Variants in CRYL1 observed in about 807,000 individuals in gnomAD.
CRYL1 encodes lambda-crystallin homolog.
Under a neutral mutation model 36.6 loss-of-function variants are expected in CRYL1, and 29 were observed. That is an observed-to-expected ratio of 0.79 (90% CI 0.59 to 1.08). The LOEUF (loss-of-function observed/expected upper bound fraction) is 1.08, where lower values mean the gene tolerates loss of function less well. Among genes scored for constraint, CRYL1 ranks in the 50% least tolerant of loss-of-function variants. The pLI, the probability that CRYL1 is intolerant of heterozygous loss-of-function variation, is 0.00. For synonymous variants in CRYL1, 152 were observed against 151.5 expected (o/e 1.00, Z -0.02); for missense variants, 411 against 407.9 (o/e 1.01, Z -0.06).
At chr13:20,416,854 G>A (rs934054802) in intron 5 of CRYL1, among the ~76,000 whole-genome samples, 1 of 152,064 alleles carries the variant, frequency 6.6e-6, no homozygotes, top group Non-Finnish European at 1.5e-5. Flanking sequence ...CCATGACCTG[G>A]GAGGAACCAC....
At chr13:20,414,372 T>C (rs2031603819) in intron 5 of CRYL1, among the ~76,000 whole-genome samples, 1 of 151,894 alleles carries the variant, frequency 6.6e-6, no homozygotes, top group South Asian at 2.1e-4. Flanking sequence ...TAGCTCACCC[T>C]ACAACCTACG....
intron 1 of CRYL1, among the ~76,000 whole-genome samples, chr13:20,522,685 TA>T (rs1230846564): frequency 6.6e-6 from 1 of 151,798 alleles, no homozygotes; most frequent in African/African-American, 2.4e-5. Context: ...GTGTGCCCCC[TA>T]AAAAGCAGGA....
chr13:20,468,580 A>G (rs1316322849), intron 3 of CRYL1, among the ~76,000 whole-genome samples: 1 of 152,178 alleles, frequency 6.6e-6, no homozygotes, highest in Non-Finnish European at 1.5e-5. Flanking sequence ...AGACACTGAT[A>G]TCACCTTCTC....
At chr13:20,485,128 A>G (rs1463393665) in intron 3 of CRYL1, among the ~76,000 whole-genome samples, 1 of 151,952 alleles carries the variant, frequency 6.6e-6, no homozygotes, top group Non-Finnish European at 1.5e-5. Context: ...AGTGATTCTC[A>G]TGCCTCAGCC....
chr13:20,426,245 T>TTG (rs58076053), intron 5 of CRYL1, among the ~76,000 whole-genome samples: 2,813 of 151,054 alleles, frequency 0.019, 81 homozygotes, highest in African/African-American at 0.062. Flanking sequence ...TCTAATATGT[T>TTG]TGTTTTTAAT....
At chr13:20,485,163 A>G (rs1338174477) in intron 3 of CRYL1, among the ~76,000 whole-genome samples, 3 of 152,068 alleles carry the variant, frequency 2.0e-5, no homozygotes, top group African/African-American at 7.2e-5. Context: ...AATTACAGGC[A>G]TACACCACCA....
At chr13:20,428,713 C>A (rs1371756187) in intron 5 of CRYL1, among the ~76,000 whole-genome samples, 1 of 152,184 alleles carries the variant, frequency 6.6e-6, no homozygotes, top group Non-Finnish European at 1.5e-5. Flanking sequence ...GGAGGTCAGA[C>A]CCCTGGAAAT....
intron 3 of CRYL1, among the ~76,000 whole-genome samples, chr13:20,472,096 G>A (rs1315052131): frequency 1.3e-5 from 2 of 151,934 alleles, no homozygotes; most frequent in African/African-American, 4.8e-5. Context: ...CCTGACCTCA[G>A]GTGATCCACC....
intron 5 of CRYL1, among the ~76,000 whole-genome samples, chr13:20,416,768 A>G (rs2031677993): frequency 6.6e-6 from 1 of 152,184 alleles, no homozygotes; most frequent in South Asian, 2.1e-4. Flanking sequence ...GCCACTCAAG[A>G]GTAGGTCCTT....
intron 4 of CRYL1, 79 bp downstream of exon 4, chr13:20,439,514 C>CAAAAAAAAAAAAAAAGAAAAAA (rs2032304654): frequency 6.0e-6 from 2 of 331,812 alleles, no homozygotes; most frequent in African/African-American, 3.7e-5. Context: ...CCCTCCCCCG[C>CAAAAAAAAAAAAAAAGAAAAAA]AAAAAAAAAA....
intron 6 of CRYL1, 52 bp downstream of exon 6, chr13:20,413,230 C>A: frequency 7.7e-7 from 1 of 1,292,500 alleles, no homozygotes; most frequent in Non-Finnish European, 1.1e-6. Flanking sequence ...TTTACAAAAC[C>A]CATGACAACA....
chr13:20,454,885 G>A (rs1046651267), intron 3 of CRYL1, among the ~76,000 whole-genome samples: 6 of 152,078 alleles, frequency 3.9e-5, no homozygotes, highest in East Asian at 1.9e-4. Flanking sequence ...TCACTCTGTC[G>A]CCCAGGCTGG....
chr13:20,410,555 T>A (rs2031492565), intron 6 of CRYL1, among the ~76,000 whole-genome samples: 1 of 152,036 alleles, frequency 6.6e-6, no homozygotes. Context: ...AATAAATAAA[T>A]AAAATCCTAA....
In CRYL1 at chr13:20,519,025, G is replaced by A. The variant is rs141446960; in HGVS notation, c.42-6475C>T. Among the ~76,000 whole-genome samples, 58 of 152,304 alleles carry A rather than the reference G, an allele frequency of 3.8e-4. 1 individual carries two copies. In the East Asian group the frequency reaches 0.01, roughly 26 times the overall value. ...ATGCTAAGGGTGGGTCTAGCAAATC[G>A]CTGGCTGTAAGTATCCAGGTTCAGA... On this transcript the variant is annotated intron_variant, in intron 1 of 7. Transcript: ENST00000298248.
At chr13:20,405,704 A>T (rs1276470970) in intron 6 of CRYL1, among the ~76,000 whole-genome samples, 1 of 152,134 alleles carries the variant, frequency 6.6e-6, no homozygotes, top group Non-Finnish European at 1.5e-5. Flanking sequence ...GAGAGCCATG[A>T]TTTCTCAGAT....
chr13:20,462,755 G>C (rs188040679), intron 3 of CRYL1, among the ~76,000 whole-genome samples: 5 of 151,658 alleles, frequency 3.3e-5, no homozygotes. Context: ...GCAGGCATAC[G>C]ATGCAGGTTT....
At chr13:20,430,726 C>T in intron 5 of CRYL1, 1 of 985,364 alleles carries the variant, frequency 1.0e-6, no homozygotes, top group Non-Finnish European at 1.2e-6. Flanking sequence ...ACTCAGGGCG[C>T]TAAAATATCT....
chr13:20,510,801 T>G (rs1471144763), intron 2 of CRYL1, among the ~76,000 whole-genome samples: 2 of 151,800 alleles, frequency 1.3e-5, no homozygotes, highest in Non-Finnish European at 2.9e-5. Context: ...TTAGTAGAGA[T>G]AGAGTTTCAC....
intron 3 of CRYL1, among the ~76,000 whole-genome samples, chr13:20,487,534 T>A (rs1404861183): frequency 6.6e-6 from 1 of 152,220 alleles, no homozygotes. Context: ...AAAAGCATTC[T>A]GTGAAATGTG....
Sources: gnomAD v4.1 joint callset for allele counts (sites outside exome capture counted in the v4.1 genomes callset) on GRCh38, gnomAD v4.1.1 for gene constraint, MANE v1.5 for transcripts, NCBI Gene and HGNC (gene_info 2026-07-23, HGNC 2026-07-21) for gene names.